Variants in TBC1D8 observed in about 807,000 individuals in gnomAD.
TBC1D8 encodes BUB2-like protein 1.
TBC1D8 carries 65 observed loss-of-function variants against 118.8 expected under a neutral mutation model. The observed-to-expected ratio is 0.55, with a 90% confidence interval of 0.45 to 0.67. The LOEUF (loss-of-function observed/expected upper bound fraction) is 0.67, where lower values mean the gene tolerates loss of function less well. Ranked by LOEUF, TBC1D8 falls within the 30% of genes least tolerant of loss-of-function variation. The pLI is 0.00. For missense variants in TBC1D8, 1,376 were observed against 1,471.2 expected (o/e 0.94, Z 1.06); for synonymous variants, 566 against 595.8 (o/e 0.95, Z 0.73).
At chr2:101,084,140 G>A (rs1010482773) in intron 2 of TBC1D8, among the ~76,000 whole-genome samples, 4 of 152,194 alleles carry the variant, frequency 2.6e-5, no homozygotes, top group Admixed American at 6.5e-5. Flanking sequence ...TCAACAGAAA[G>A]AGGGTCTAGG....
intron 2 of TBC1D8, among the ~76,000 whole-genome samples, chr2:101,086,863 A>G (rs547580824): frequency 3.9e-5 from 6 of 152,154 alleles, no homozygotes; most frequent in South Asian, 2.1e-4. Flanking sequence ...TCGGCTCACT[A>G]CAACCTCCCT....
chr2:101,135,895 GT>G (rs1328940469), intron 1 of TBC1D8, among the ~76,000 whole-genome samples: 4 of 152,028 alleles, frequency 2.6e-5, no homozygotes, highest in Admixed American at 6.6e-5. Flanking sequence ...TGGTTTTTGT[GT>G]TTTTGAGAAG....
At chr2:101,132,920 T>C (rs1039069771) in intron 1 of TBC1D8, among the ~76,000 whole-genome samples, 81 of 151,994 alleles carry the variant, frequency 5.3e-4, no homozygotes, top group African/African-American at 1.9e-3. Context: ...ATAAAAATAT[T>C]CTTATATCTG....
At chr2:101,072,351 GA>G (rs1285651543) in intron 2 of TBC1D8, among the ~76,000 whole-genome samples, 1 of 152,130 alleles carries the variant, frequency 6.6e-6, no homozygotes, top group Admixed American at 6.5e-5. Context: ...GTCAAAAGGA[GA>G]GGGGCAGGAG....
chr2:101,056,334 G>C (rs1218173343), intron 3 of TBC1D8, among the ~76,000 whole-genome samples: 1 of 150,960 alleles, frequency 6.6e-6, no homozygotes, highest in African/African-American at 2.4e-5. Flanking sequence ...CTCCCAAGTA[G>C]CTGGGACTAC....
At chr2:101,027,655 A>G (rs1056989983) in intron 14 of TBC1D8, among the ~76,000 whole-genome samples, 5 of 152,192 alleles carry the variant, frequency 3.3e-5, no homozygotes, top group Non-Finnish European at 4.4e-5. Context: ...CAGTTCACAC[A>G]TCAGTGCCTA....
intron 2 of TBC1D8, among the ~76,000 whole-genome samples, chr2:101,059,934 G>A (rs1410754710): frequency 2.0e-5 from 3 of 151,614 alleles, no homozygotes; most frequent in Admixed American, 1.3e-4. Flanking sequence ...GCGAGACTCC[G>A]TCTCAAAAAA....
intron 1 of TBC1D8, among the ~76,000 whole-genome samples, chr2:101,124,868 T>C (rs558284240): frequency 5.3e-5 from 8 of 152,198 alleles, no homozygotes; most frequent in Non-Finnish European, 1.0e-4. Context: ...GGAGACGTGA[T>C]AGGGCTTCCT....
At chr2:101,106,175 C>G (rs1374220419) in intron 1 of TBC1D8, among the ~76,000 whole-genome samples, 1 of 152,042 alleles carries the variant, frequency 6.6e-6, no homozygotes, top group South Asian at 2.1e-4. Context: ...AAAGGGAAAA[C>G]TATAGCAAGG....
intron 1 of TBC1D8, among the ~76,000 whole-genome samples, chr2:101,096,443 A>AAAAC (rs1676445303): frequency 7.6e-6 from 1 of 131,456 alleles, no homozygotes. Flanking sequence ...AAAAAAAAAA[A>AAAAC]AAAACTATAA....
chr2:101,098,305 T>C (rs950986254), intron 1 of TBC1D8, among the ~76,000 whole-genome samples: 3 of 151,714 alleles, frequency 2.0e-5, no homozygotes, highest in South Asian at 2.1e-4. Flanking sequence ...CTTGAAACCA[T>C]AGGGTAGATG....
At position 101,040,900 on chromosome 2, in the gene TBC1D8, C is replaced by T. The variant is rs550572730; in HGVS notation, c.873-515G>A. 6.6e-5 allele frequency among the ~76,000 whole-genome samples: 10 copies of T among 152,386 alleles called. No individual in the cohort carries two copies. The South Asian group carries it at 8.3e-4, about 13-fold the overall frequency. On this transcript the variant is annotated intron_variant, in intron 5 of 19. Transcript: ENST00000409318. ...GCATGGCCAACCTTCAGAACAAGGA[C>T]GCAGAGCAGACGCGCTGTCTCTGCA...
rs1339570834 is a variant in TBC1D8 at position 101,045,012 on chromosome 2, G to A, written c.873-4627C>T. 3.3e-5 allele frequency among the ~76,000 whole-genome samples: 5 copies of A among 152,172 alleles called. No homozygotes were observed. The East Asian group carries it at 9.6e-4, about 29-fold the overall frequency. On this transcript the variant is annotated intron_variant, in intron 5 of 19. Transcript: ENST00000409318. ...TCTGCCCACCTCGGCCTCCCAAAGT[G>A]CTGGGATTACCGCGCCCAGCCCAAC...
Position 101,030,329 on chromosome 2 carries a change from G to C in TBC1D8, c.1937-553C>G, listed in dbSNP as rs532036517. ...AGAAAGAACTCTTGCAACTTAGTAAGAAGGTAACAACCAACCTTTTTTAAA... is the reference window on the plus strand; with the variant it reads ...AGAAAGAACTCTTGCAACTTAGTAACAAGGTAACAACCAACCTTTTTTAAA... On this transcript the variant is annotated intron_variant, in intron 11 of 19. Coordinates refer to ENST00000409318, the MANE Select transcript of TBC1D8 (RefSeq NM_001330348.2). Among the ~76,000 whole-genome samples the C allele has an allele frequency of 5.3e-3, 811 of 152,286 alleles. 9 individuals carry two copies. The highest frequency in any genetic ancestry group is 0.018 in the African/African-American group (732 of 41,564).
At chr2:101,059,348 G>C in intron 3 of TBC1D8, 73 bp downstream of exon 3, 1 of 1,198,750 alleles carries the variant, frequency 8.3e-7, no homozygotes. Flanking sequence ...CTGTTAGTAT[G>C]CTACAGTGTT....
At chr2:101,120,031 C>T (rs896786784) in intron 1 of TBC1D8, among the ~76,000 whole-genome samples, 6 of 152,136 alleles carry the variant, frequency 3.9e-5, no homozygotes, top group Admixed American at 2.6e-4. Context: ...GCTAGATCTC[C>T]CTCATGCCTT....
chr2:101,091,582 G>A (rs1676036567), intron 1 of TBC1D8, among the ~76,000 whole-genome samples: 1 of 152,112 alleles, frequency 6.6e-6, no homozygotes, highest in Non-Finnish European at 1.5e-5. Context: ...AGAATTAGCT[G>A]GGCATGGTGG....
chr2:101,057,802 T>A (rs1215733465), intron 3 of TBC1D8, among the ~76,000 whole-genome samples: 1 of 152,164 alleles, frequency 6.6e-6, no homozygotes, highest in East Asian at 1.9e-4. Flanking sequence ...CCAGCCTGAG[T>A]GACAGAGCAA....
At chr2:101,130,407 G>A (rs1678542281) in intron 1 of TBC1D8, among the ~76,000 whole-genome samples, 1 of 152,224 alleles carries the variant, frequency 6.6e-6, no homozygotes, top group Non-Finnish European at 1.5e-5. Flanking sequence ...TCGGACCCTA[G>A]TGAGAAGGTG....
Sources: gnomAD v4.1 joint callset for allele counts (sites outside exome capture counted in the v4.1 genomes callset) on GRCh38, gnomAD v4.1.1 for gene constraint, MANE v1.5 for transcripts, NCBI Gene and HGNC (gene_info 2026-07-23, HGNC 2026-07-21) for gene names.